TGFBR3: variants seen among roughly 807,000 people sequenced by gnomAD.
The protein encoded by TGFBR3 is transforming growth factor beta receptor 3.
Under a neutral mutation model 87.9 loss-of-function variants are expected in TGFBR3, and 46 were observed. That is an observed-to-expected ratio of 0.52 (90% CI 0.41 to 0.67). TGFBR3 has a LOEUF of 0.67. TGFBR3 is among the 30% of genes least tolerant of loss of function. TGFBR3 has a pLI of 0.00. For synonymous variants in TGFBR3, 381 were observed against 391.6 expected (o/e 0.97, Z 0.32); for missense variants, 866 against 1,041.9 (o/e 0.83, Z 2.32).
chr1:91,740,811 A>G (rs1673135008), intron 4 of TGFBR3, among the ~76,000 whole-genome samples: 1 of 152,168 alleles, frequency 6.6e-6, no homozygotes, highest in Non-Finnish European at 1.5e-5. Context: ...ATGGCATAGC[A>G]CCCTTATCAG....
intron 4 of TGFBR3, among the ~76,000 whole-genome samples, chr1:91,751,256 A>G (rs1673530494): frequency 6.6e-6 from 1 of 152,236 alleles, no homozygotes; most frequent in African/African-American, 2.4e-5. Flanking sequence ...ACAATAGAAT[A>G]CAGAATTTTT....
rs564454673 is a variant in TGFBR3 at position 91,765,845 on chromosome 1, T to C, written c.247-7095A>G. ...GTTAGAATGATTAGAAATTAAAATTTTAGACAAACTGAAGAAACTCAATAT... is the reference window on the plus strand; with the variant it reads ...GTTAGAATGATTAGAAATTAAAATTCTAGACAAACTGAAGAAACTCAATAT... On this transcript the variant is annotated intron_variant, in intron 3 of 16. Transcript: ENST00000212355. 4.6e-5 allele frequency among the ~76,000 whole-genome samples: 7 copies of C among 152,198 alleles called. No homozygotes were observed. In the East Asian group the frequency reaches 9.6e-4, roughly 21 times the overall value.
intron 7 of TGFBR3, among the ~76,000 whole-genome samples, chr1:91,723,942 C>G (rs1438318050): frequency 6.6e-6 from 1 of 152,190 alleles, no homozygotes; most frequent in Non-Finnish European, 1.5e-5. Flanking sequence ...TTCACAGGCT[C>G]TAAGTTCTCT....
intron 2 of TGFBR3, among the ~76,000 whole-genome samples, chr1:91,806,055 T>G (rs931544204): frequency 6.6e-6 from 1 of 152,210 alleles, no homozygotes; most frequent in Admixed American, 6.5e-5. Flanking sequence ...TAAAATAAAC[T>G]GCTCGGTTCA....
intron 2 of TGFBR3, among the ~76,000 whole-genome samples, chr1:91,810,309 T>C (rs1003716006): frequency 1.1e-4 from 17 of 152,172 alleles, no homozygotes; most frequent in Non-Finnish European, 1.8e-4. Context: ...TCCACCTGCC[T>C]TGGCCTCCCA....
chr1:91,795,928 T>C (rs1675365615), intron 3 of TGFBR3, among the ~76,000 whole-genome samples: 1 of 152,230 alleles, frequency 6.6e-6, no homozygotes, highest in African/African-American at 2.4e-5. Flanking sequence ...TTCATGAGAT[T>C]AAAATCAGCT....
chr1:91,708,280 TA>T (rs1363655544), intron 14 of TGFBR3, among the ~76,000 whole-genome samples: 1 of 152,192 alleles, frequency 6.6e-6, no homozygotes, highest in African/African-American at 2.4e-5. Context: ...ATAGCCAGCA[TA>T]AACTTTAGCA....
chr1:91,760,133 T>C (rs1422726985), intron 3 of TGFBR3, among the ~76,000 whole-genome samples: 1 of 152,240 alleles, frequency 6.6e-6, no homozygotes, highest in Non-Finnish European at 1.5e-5. Flanking sequence ...GCCACAAAAA[T>C]ATTCTATGAA....
At chr1:91,748,648 A>G (rs948858799) in intron 4 of TGFBR3, among the ~76,000 whole-genome samples, 4 of 152,120 alleles carry the variant, frequency 2.6e-5, no homozygotes, top group African/African-American at 9.7e-5. Flanking sequence ...AGAGTTAGAG[A>G]TAAAATCATA....
chr1:91,767,125 G>T lies in TGFBR3; in HGVS notation c.247-8375C>A, dbSNP rs2100921346. Among the ~76,000 whole-genome samples, 2 of 134,016 alleles carry T rather than the reference G, an allele frequency of 1.5e-5. 1 individual carries two copies. The highest frequency in any genetic ancestry group is 5.6e-4 in the South Asian group (2 of 3,596). The allele number at this position is 134,016 out of a possible 152,430, so 87.9% of individuals were successfully genotyped here. The stretch of plus-strand genomic sequence containing the variant: ...GTTGGACAATGAACCTATTATGGCT[G>T]TAAGATCTCAATAAGGATTTCTGTT... On this transcript the variant is annotated intron_variant, in intron 3 of 16. Coordinates refer to ENST00000212355, the MANE Select transcript of TGFBR3 (RefSeq NM_003243.5).
intron 2 of TGFBR3, chr1:91,899,610 C>G (rs979453933): frequency 9.9e-5 from 15 of 152,018 alleles, no homozygotes; most frequent in African/African-American, 3.6e-4. Context: ...GACATCTTGA[C>G]TTAGGTGACT....
rs114625600 is a variant in TGFBR3, at chr1:91,767,750, G to T, written c.247-9000C>A. Among the ~76,000 whole-genome samples, 338 of 75,330 alleles carry T rather than the reference G, an allele frequency of 4.5e-3. 73 individuals carry two copies. Among genetic ancestry groups the T allele is most frequent in the African/African-American group, 0.017 (329 of 19,892 alleles). 49.4% of individuals were successfully genotyped at this position (75,330 alleles called of 152,430 possible). On this transcript the variant is annotated intron_variant, in intron 3 of 16. Coordinates refer to ENST00000212355, the MANE Select transcript of TGFBR3 (RefSeq NM_003243.5). ...GGGACATAGAGGAGAATGGGAAGCT[G>T]CTCTATAGCAGTAAGAGGCAGGAAC...
In TGFBR3 at chr1:91,733,637, C is replaced by A. The variant is rs377500447; in HGVS notation, c.568+1139G>T. Among the ~76,000 whole-genome samples the A allele has an allele frequency of 1.1e-4, 17 of 152,316 alleles. No individual in the cohort carries two copies. In the East Asian group the frequency reaches 3.3e-3, roughly 29 times the overall value. On this transcript the variant is annotated intron_variant, in intron 5 of 16. Coordinates refer to ENST00000212355, the MANE Select transcript of TGFBR3 (RefSeq NM_003243.5). ...AGCTGGATGCTGAAGACCTTAAACG[C>A]AGTGTTCACACAATCAGCCAGCTAT...
At chr1:91,698,806 C>T (rs1671517400) in intron 14 of TGFBR3, among the ~76,000 whole-genome samples, 1 of 152,190 alleles carries the variant, frequency 6.6e-6, no homozygotes, top group Non-Finnish European at 1.5e-5. Flanking sequence ...TGCGCCCAGC[C>T]TTCAAAATAT....
At chr1:91,746,952 A>T (rs1269164714) in intron 4 of TGFBR3, among the ~76,000 whole-genome samples, 1 of 152,176 alleles carries the variant, frequency 6.6e-6, no homozygotes, top group Non-Finnish European at 1.5e-5. Context: ...AGACACGCAC[A>T]TCCCTCAGCC....
Position 91,719,852 on chromosome 1 carries a change from G to A in TGFBR3, c.1413+41C>T, listed in dbSNP as rs776877687. The A allele has an allele frequency of 5.6e-6, 9 of 1,598,144 alleles. No individual in the cohort carries two copies. In the Admixed American group the frequency reaches 1.5e-4, roughly 27 times the overall value. The stretch of plus-strand genomic sequence containing the variant: ...ATGCAGACTAGGGCCAGATGGGAAA[G>A]GAGGTAGCCTCTCTTCCCTCCTGTA... On this transcript the variant is annotated intron_variant, in intron 9 of 16. Transcript: ENST00000212355.
intron 4 of TGFBR3, among the ~76,000 whole-genome samples, chr1:91,749,769 T>C (rs966077308): frequency 6.6e-6 from 1 of 152,022 alleles, no homozygotes; most frequent in African/African-American, 2.4e-5. Context: ...CCTCCCAGAG[T>C]CTCCTGGTAG....
At chr1:91,894,172 G>A (rs1292204984) in intron 2 of TGFBR3, among the ~76,000 whole-genome samples, 3 of 152,056 alleles carry the variant, frequency 2.0e-5, no homozygotes, top group Middle Eastern at 3.2e-3. Context: ...TTATCTATGC[G>A]TCTTCTCTGC....
At position 91,682,723 on chromosome 1, in the gene TGFBR3, T is replaced by G. The variant is rs1421763281; in HGVS notation, c.*1016A>C. On this transcript the variant is annotated 3_prime_UTR_variant, in exon 17 of 17. Transcript: ENST00000212355. ...TTTTTTTAAGTTGACATATTTTGAG[T>G]GGAAACACTCACCCTACCAAATATA... is the stretch of plus-strand genomic sequence containing the variant. The G allele has an allele frequency of 6.6e-6, 3 of 453,704 alleles. No individual in the cohort carries two copies. The highest frequency in any genetic ancestry group is 2.0e-5 in the African/African-American group (1 of 49,886). The allele number at this position is 453,704 out of a possible 1,614,324, so 28.1% of individuals were successfully genotyped here.
Sources: allele counts gnomAD v4.1 joint callset (sites outside exome capture counted in the v4.1 genomes callset), GRCh38; gene constraint gnomAD v4.1.1; transcripts MANE v1.5; gene names NCBI Gene and HGNC (gene_info 2026-07-23, HGNC 2026-07-21).